Variants in G3BP2 observed in about 807,000 individuals in gnomAD.
The protein encoded by G3BP2 is G3BP stress granule assembly factor 2, also known as ras GTPase-activating protein-binding protein 2.
Under a neutral mutation model 56.7 loss-of-function variants are expected in G3BP2, and 11 were observed. The ratio of observed to expected loss-of-function variants is 0.19; its 90% CI spans 0.12 to 0.32. G3BP2 has a LOEUF of 0.32. G3BP2 is among the 10% of genes least tolerant of loss of function. The probability of loss-of-function intolerance (pLI) is 1.00; values close to 1 mark genes in which losing one functional copy is unlikely to be tolerated. For synonymous variants in G3BP2, 165 were observed against 191.6 expected (o/e 0.86, Z 1.15); for missense variants, 340 against 610.9 (o/e 0.56, Z 4.67).
intron 3 of G3BP2, among the ~76,000 whole-genome samples, chr4:75,699,620 A>T (rs1004614042): frequency 6.6e-6 from 1 of 152,212 alleles, no homozygotes; most frequent in South Asian, 2.1e-4. Context: ...TGTTTATTAG[A>T]TTTGATTCCA....
intron 3 of G3BP2, among the ~76,000 whole-genome samples, chr4:75,679,009 C>T (rs1733978166): frequency 6.6e-6 from 1 of 152,206 alleles, no homozygotes; most frequent in Admixed American, 6.5e-5. Context: ...ATTTGTATAG[C>T]ATTTTACAGT....
At chr4:75,650,905 C>G (rs1731650341) in intron 8 of G3BP2, among the ~76,000 whole-genome samples, 2 of 152,186 alleles carry the variant, frequency 1.3e-5, no homozygotes, top group Non-Finnish European at 2.9e-5. Context: ...AAGAACCAAG[C>G]ACAGTGCTAT....
chr4:75,688,158 G>A (rs550854885), intron 3 of G3BP2, among the ~76,000 whole-genome samples: 2 of 146,762 alleles, frequency 1.4e-5, no homozygotes, highest in Non-Finnish European at 3.0e-5. Context: ...CTTGAACCTG[G>A]TGCCTTCCTT....
chr4:75,647,084 A>G lies in G3BP2; in HGVS notation c.1002T>C (p.Phe334=), dbSNP rs776087486. The G allele has an allele frequency of 6.3e-7, 1 of 1,599,194 alleles. No homozygotes were observed. Among genetic ancestry groups the G allele is most frequent in the South Asian group, 1.1e-5 (1 of 90,374 alleles). ...IIRYPDSHQL[F]VGNLPHDIDE... The stretch of plus-strand genomic sequence containing the variant: ...CAATATCATGTGGCAAGTTACCAAC[A>G]AAAAGTTGATGACTATCTGGATAGC... The change falls in exon 10 of 12, where the codon TTT becomes TTC. Residue 334 remains phenylalanine (F), a synonymous_variant. Coordinates refer to ENST00000359707, the MANE Select transcript of G3BP2 (RefSeq NM_203505.3).
Position 75,657,610 on chromosome 4 carries a change from T to TA in G3BP2, c.297dup (p.Asn100Ter). On this transcript the variant is annotated frameshift_variant, in exon 4 of 12. Transcript: ENST00000359707. LOFTEE classifies it high-confidence loss of function. ...AACTTTCTTTCTGGTTGTCCACTGT[T>TA]AGACAGCAAACCCATGACCTGGACA... is the stretch of plus-strand genomic sequence containing the variant. 1 of 1,613,748 alleles carries TA rather than the reference T, an allele frequency of 6.2e-7. No homozygotes were observed. Among genetic ancestry groups the TA allele is most frequent in the Non-Finnish European group, 8.5e-7 (1 of 1,179,776 alleles).
rs1733634831 is a variant in G3BP2, at chr4:75,673,105, T to G, written c.-25+103A>C. On this transcript the variant is annotated intron_variant, in intron 1 of 11. Coordinates refer to ENST00000359707, the MANE Select transcript of G3BP2 (RefSeq NM_203505.3). ...ATGTCTCTGCCGCTACACCTCCGGC[T>G]CCCGGGCTCACACACCGGACGATTG... 2.2e-5 allele frequency: 23 copies of G among 1,063,334 alleles called. 1 individual carries two copies. In the South Asian group the frequency reaches 1.0e-3, roughly 46 times the overall value. The allele number at this position is 1,063,334 out of a possible 1,614,324, so 65.9% of individuals were successfully genotyped here.
At chr4:75,667,838 G>A (rs538122945) in intron 1 of G3BP2, among the ~76,000 whole-genome samples, 1 of 152,256 alleles carries the variant, frequency 6.6e-6, no homozygotes, top group Non-Finnish European at 1.5e-5. Flanking sequence ...GCAGTAAGCT[G>A]AGATCACACC....
At chr4:75,655,036 T>C in intron 7 of G3BP2, 30 bp downstream of exon 7, 1 of 1,491,986 alleles carries the variant, frequency 6.7e-7, no homozygotes, top group Non-Finnish European at 9.2e-7. Flanking sequence ...ACATGTGATG[T>C]TGTAAGTCTA....
intron 1 of G3BP2, chr4:75,672,649 G>T (rs1733581418): frequency 6.6e-6 from 1 of 152,152 alleles, no homozygotes. Context: ...CACAGAAATG[G>T]TGCCCGGAGG....
chr4:75,665,558 C>T (rs1461934847), intron 1 of G3BP2, among the ~76,000 whole-genome samples: 2 of 151,884 alleles, frequency 1.3e-5, no homozygotes, highest in Non-Finnish European at 2.9e-5. Context: ...CCAGCCTGGG[C>T]AACAAGGCAA....
intron 3 of G3BP2, among the ~76,000 whole-genome samples, chr4:75,707,441 C>G (rs751151261): frequency 5.3e-5 from 8 of 151,912 alleles, no homozygotes; most frequent in Non-Finnish European, 1.0e-4. Flanking sequence ...AACCCCGTCT[C>G]TACTAAAAAT....
At chr4:75,696,708 C>T (rs1286207655) in intron 3 of G3BP2, among the ~76,000 whole-genome samples, 1 of 152,014 alleles carries the variant, frequency 6.6e-6, no homozygotes, top group African/African-American at 2.4e-5. Flanking sequence ...CAGTTGTTCC[C>T]AATCATCATT....
At chr4:75,661,631 C>T in intron 2 of G3BP2, 1 of 197,980 alleles carries the variant, frequency 5.1e-6, no homozygotes, top group Non-Finnish European at 1.0e-5. Context: ...GCACTCCACC[C>T]TGAGTGACAG....
Position 75,646,418 on chromosome 4 carries a change from C to G in G3BP2, c.1096G>C (p.Gly366Arg). 6.2e-7 allele frequency: 1 copy of G among 1,611,210 alleles called. No individual in the cohort carries two copies. The highest frequency in any genetic ancestry group is 8.5e-7 in the Non-Finnish European group (1 of 1,178,204). Residue 366 changes from glycine (G) to arginine (R), a missense_variant, in exon 11 of 12, where the codon GGT becomes CGT. Physicochemically the swap from Gly to Arg is moderately radical, Grantham distance 125. This residue lies in a region of G3BP2 where 94 missense variants were observed against 173.8 expected (regional missense o/e 0.54). Coordinates refer to ENST00000359707, the MANE Select transcript of G3BP2 (RefSeq NM_203505.3). Reference sequence around the variant, plus strand: ...AAATTTGGAAGCTTTCCCCCAACACCCTTGGTATTGATGCGAAGTTCCACA... The same window carrying G: ...AAATTTGGAAGCTTTCCCCCAACACGCTTGGTATTGATGCGAAGTTCCACA... ...NVVELRINTK[G>R]VGGKLPNFGF...
chr4:75,668,101 T>C (rs1733198832), intron 1 of G3BP2, among the ~76,000 whole-genome samples: 1 of 152,200 alleles, frequency 6.6e-6, no homozygotes, highest in South Asian at 2.1e-4. Context: ...CACCATATTT[T>C]CTGAATCTAT....
Position 75,701,116 on chromosome 4 carries a change from T to C in G3BP2, c.-25+19761A>G, listed in dbSNP as rs1027393211. Among the ~76,000 whole-genome samples, 4 of 152,306 alleles carry C rather than the reference T, an allele frequency of 2.6e-5. No homozygotes were observed. In the East Asian group the frequency reaches 7.7e-4, roughly 29 times the overall value. On this transcript the variant is annotated intron_variant, in intron 3 of 3. Transcript: ENST00000499709. Reference sequence around the variant, plus strand: ...CTTCAGCCTCCCAAAGTGCTGGGATTACAGGCGTGAGCCACCACGCCCAGC... The same window carrying C: ...CTTCAGCCTCCCAAAGTGCTGGGATCACAGGCGTGAGCCACCACGCCCAGC...
upstream of G3BP2, chr4:75,673,774 T>C (rs1347105281): frequency 2.4e-6 from 1 of 416,248 alleles, no homozygotes; most frequent in Non-Finnish European, 3.9e-6. Flanking sequence ...GTCCTTTTTA[T>C]TAATGGGAAG....
intron 3 of G3BP2, among the ~76,000 whole-genome samples, chr4:75,687,418 G>GT (rs151309949): frequency 2.6e-5 from 4 of 152,202 alleles, no homozygotes; most frequent in Non-Finnish European, 5.9e-5. Flanking sequence ...ATGTGGAACT[G>GT]TAAGTCCGCT....
chr4:75,653,750 A>AAG, intron 8 of G3BP2, among the ~76,000 whole-genome samples: 1 of 152,282 alleles, frequency 6.6e-6, no homozygotes. Context: ...TGACAATATT[A>AAG]TATACTGGTA....
Sources: gnomAD v4.1 joint callset for allele counts (sites outside exome capture counted in the v4.1 genomes callset) on GRCh38, gnomAD v4.1.1 for gene constraint, gnomAD v4.1.1 regional missense constraint, MANE v1.5 for transcripts, NCBI Gene and HGNC (gene_info 2026-07-23, HGNC 2026-07-21) for gene names.